The following NKAIN2 variants were observed in gnomAD, a reference collection of about 807,000 sequenced individuals.
NKAIN2 encodes the protein sodium/potassium-transporting ATPase subunit beta-1-interacting protein 2.
A neutral mutation model predicts 32.6 loss-of-function variants in NKAIN2; 14 were observed. The ratio of observed to expected loss-of-function variants is 0.43; its 90% confidence interval spans 0.28 to 0.67. The LOEUF (loss-of-function observed/expected upper bound fraction) is 0.67. NKAIN2 is among the 30% of genes least tolerant of loss of function. NKAIN2 has a pLI of 0.17. For missense variants in NKAIN2, 198 were observed against 258.3 expected (o/e 0.77, Z 1.60); for synonymous variants, 80 against 87.2 (o/e 0.92, Z 0.46).
chr6:124,365,269 C>A (rs976093190), intron 3 of NKAIN2, among the ~76,000 whole-genome samples: 47 of 151,144 alleles, frequency 3.1e-4, no homozygotes, highest in African/African-American at 1.1e-3. Context: ...GACACAAAAC[C>A]CAAATGTATT....
intron 1 of NKAIN2, among the ~76,000 whole-genome samples, chr6:123,870,465 G>T (rs1188114740): frequency 6.6e-6 from 1 of 152,098 alleles, no homozygotes; most frequent in Non-Finnish European, 1.5e-5. Flanking sequence ...AAAAATCTTA[G>T]TGCTGTCACT....
chr6:124,699,043 T>C (rs1290938884), intron 4 of NKAIN2, among the ~76,000 whole-genome samples: 1 of 152,190 alleles, frequency 6.6e-6, no homozygotes, highest in Non-Finnish European at 1.5e-5. Flanking sequence ...GTCTATAAAA[T>C]GAGATTGCAA....
chr6:124,109,547 A>G (rs1441706041), intron 1 of NKAIN2, among the ~76,000 whole-genome samples: 1 of 152,026 alleles, frequency 6.6e-6, no homozygotes, highest in Non-Finnish European at 1.5e-5. Context: ...ATATACGATC[A>G]TGTAAGATGG....
At chr6:124,363,933 A>C (rs917306669) in intron 3 of NKAIN2, among the ~76,000 whole-genome samples, 1 of 152,154 alleles carries the variant, frequency 6.6e-6, no homozygotes, top group Non-Finnish European at 1.5e-5. Context: ...AGACCAAGAG[A>C]TGATTCAGAT....
At chr6:124,479,558 G>A (rs1486751334) in intron 3 of NKAIN2, among the ~76,000 whole-genome samples, 1 of 152,072 alleles carries the variant, frequency 6.6e-6, no homozygotes, top group African/African-American at 2.4e-5. Flanking sequence ...AATAATTGAG[G>A]CATGGGCAAA....
intron 3 of NKAIN2, among the ~76,000 whole-genome samples, chr6:124,358,784 C>T (rs1799117114): frequency 6.6e-6 from 1 of 151,158 alleles, no homozygotes; most frequent in African/African-American, 2.4e-5. Flanking sequence ...TAATTAGATC[C>T]CATTTGTCAA....
intron 1 of NKAIN2, among the ~76,000 whole-genome samples, chr6:124,233,780 A>G (rs377347853): frequency 2.0e-5 from 3 of 152,212 alleles, no homozygotes; most frequent in South Asian, 2.1e-4. Flanking sequence ...TTCTTCAAAA[A>G]TTCTGCAGTA....
chr6:124,602,199 G>T (rs1037504651), intron 3 of NKAIN2, among the ~76,000 whole-genome samples: 4 of 151,838 alleles, frequency 2.6e-5, no homozygotes, highest in African/African-American at 7.3e-5. Context: ...GGCCTCAATT[G>T]GTTTGTAATT....
At chr6:124,490,843 C>G (rs1355870900) in intron 3 of NKAIN2, among the ~76,000 whole-genome samples, 3 of 151,678 alleles carry the variant, frequency 2.0e-5, no homozygotes, top group Non-Finnish European at 3.0e-5. Context: ...TGCATTTTAT[C>G]TAATCACTGT....
chr6:124,406,775 G>A (rs1156905466), intron 3 of NKAIN2, among the ~76,000 whole-genome samples: 1 of 151,940 alleles, frequency 6.6e-6, no homozygotes, highest in Admixed American at 6.6e-5. Flanking sequence ...ATTTCAATAG[G>A]CATGTAGTGC....
intron 3 of NKAIN2, among the ~76,000 whole-genome samples, chr6:124,514,881 A>C (rs1778846077): frequency 6.6e-6 from 1 of 152,126 alleles, no homozygotes; most frequent in Non-Finnish European, 1.5e-5. Flanking sequence ...AGACTACTGC[A>C]TCAGAAAGTG....
chr6:124,601,253 T>C (rs991626191), intron 3 of NKAIN2, among the ~76,000 whole-genome samples: 2 of 152,090 alleles, frequency 1.3e-5, no homozygotes, highest in Admixed American at 6.6e-5. Context: ...ATGGGAGTTG[T>C]ACCATTACCA....
At chr6:123,837,267 T>C (rs1774670222) in intron 1 of NKAIN2, among the ~76,000 whole-genome samples, 1 of 152,130 alleles carries the variant, frequency 6.6e-6, no homozygotes, top group African/African-American at 2.4e-5. Flanking sequence ...GAAAGTGACT[T>C]TTAAGATTGT....
At chr6:123,878,838 C>T (rs530901201) in intron 1 of NKAIN2, among the ~76,000 whole-genome samples, 3 of 152,106 alleles carry the variant, frequency 2.0e-5, no homozygotes, top group African/African-American at 7.2e-5. Flanking sequence ...CCTCCCCCTC[C>T]TCCCTGCACC....
chr6:123,932,434 T>TTTTTTTTC (rs1481221049), intron 1 of NKAIN2, among the ~76,000 whole-genome samples: 2 of 91,790 alleles, frequency 2.2e-5, no homozygotes, highest in Non-Finnish European at 2.2e-5. Flanking sequence ...TTTTTTTTTT[T>TTTTTTTTC]GAGAAAGAGT....
intron 1 of NKAIN2, among the ~76,000 whole-genome samples, chr6:124,058,006 A>T (rs886263283): frequency 6.6e-6 from 1 of 152,036 alleles, no homozygotes; most frequent in Non-Finnish European, 1.5e-5. Context: ...TGTAATCGTG[A>T]TTGTTTAAAC....
At chr6:123,871,487 C>A (rs1772874513) in intron 1 of NKAIN2, among the ~76,000 whole-genome samples, 1 of 152,168 alleles carries the variant, frequency 6.6e-6, no homozygotes, top group Non-Finnish European at 1.5e-5. Flanking sequence ...CTCCTAGAGA[C>A]CCTCTTTGCC....
intron 1 of NKAIN2, among the ~76,000 whole-genome samples, chr6:124,235,619 G>A (rs1211158060): frequency 6.7e-6 from 1 of 148,908 alleles, no homozygotes; most frequent in Admixed American, 6.7e-5. Flanking sequence ...TTTTTCCTGA[G>A]ACAGAGTCTC....
intron 4 of NKAIN2, among the ~76,000 whole-genome samples, chr6:124,763,615 A>G (rs1433898221): frequency 1.3e-5 from 2 of 152,206 alleles, no homozygotes; most frequent in Non-Finnish European, 2.9e-5. Flanking sequence ...GGGTGGGGAC[A>G]CAAATCCAAC....
Sources: allele counts gnomAD v4.1 joint callset (sites outside exome capture counted in the v4.1 genomes callset), GRCh38; gene constraint gnomAD v4.1.1; transcripts MANE v1.5; gene names NCBI Gene and HGNC (gene_info 2026-07-23, HGNC 2026-07-21).